The following SDK2 variants were observed in gnomAD, a reference collection of about 807,000 sequenced individuals.
The protein encoded by SDK2 is protein sidekick-2.
Under a neutral mutation model 253.9 loss-of-function variants are expected in SDK2, and 105 were observed. The observed-to-expected ratio is 0.41, with a 90% CI of 0.35 to 0.49. The LOEUF (loss-of-function observed/expected upper bound fraction) is 0.49, where lower values mean the gene tolerates loss of function less well. Ranked by LOEUF, SDK2 falls within the 20% of genes least tolerant of loss-of-function variation. The pLI is 0.06. For synonymous variants in SDK2, 1,249 were observed against 1,234.9 expected (o/e 1.01, Z -0.24); for missense variants, 2,608 against 3,003.0 (o/e 0.87, Z 3.07).
intron 18 of SDK2, among the ~76,000 whole-genome samples, chr17:73,411,997 CACACATATATATGTAGATAT>C (rs2063132621): frequency 7.4e-6 from 1 of 135,610 alleles, no homozygotes; most frequent in African/African-American, 2.9e-5. Flanking sequence ...TATATATATA[CACACATATATATGTAGATAT>C]ACGTATATGT....
At chr17:73,598,489 C>T (rs1477245725) in intron 1 of SDK2, among the ~76,000 whole-genome samples, 1 of 152,190 alleles carries the variant, frequency 6.6e-6, no homozygotes, top group Non-Finnish European at 1.5e-5. Flanking sequence ...CAGTGCCTGT[C>T]TCCCCTGGCT....
chr17:73,382,592 G>A (rs1226305770), intron 33 of SDK2, among the ~76,000 whole-genome samples: 4 of 152,192 alleles, frequency 2.6e-5, no homozygotes, highest in Admixed American at 1.3e-4. Flanking sequence ...GTGTTTTATC[G>A]GTTGCACCAC....
At chr17:73,362,749 G>A (rs2062651786) in intron 38 of SDK2, among the ~76,000 whole-genome samples, 1 of 152,212 alleles carries the variant, frequency 6.6e-6, no homozygotes, top group Non-Finnish European at 1.5e-5. Flanking sequence ...ACAGCAACTA[G>A]AGGGGACGCT....
intron 1 of SDK2, among the ~76,000 whole-genome samples, chr17:73,635,529 G>C (rs371389735): frequency 2.6e-5 from 4 of 152,308 alleles, no homozygotes; most frequent in Admixed American, 2.0e-4. Context: ...GAAATTTCCA[G>C]AGTCCTGGCT....
At chr17:73,366,322 T>C (rs1599488545) in intron 37 of SDK2, among the ~76,000 whole-genome samples, 2 of 152,184 alleles carry the variant, frequency 1.3e-5, no homozygotes, top group South Asian at 4.1e-4. Flanking sequence ...CAGATGGCAC[T>C]GACAAAAGAG....
chr17:73,422,290 T>C lies in SDK2; in HGVS notation c.2042A>G (p.Glu681Gly). 1.2e-6 allele frequency: 2 copies of C among 1,613,778 alleles called. No homozygotes were observed. Among genetic ancestry groups the C allele is most frequent in the Non-Finnish European group, 1.7e-6 (2 of 1,179,832 alleles). Residue 681 changes from glutamate (E) to glycine (G), a missense_variant, in exon 15 of 45, where the codon GAG (glutamate) becomes GGG (glycine). Coordinates refer to ENST00000392650, the MANE Select transcript of SDK2 (RefSeq NM_001144952.2). The stretch of plus-strand genomic sequence containing the variant: ...TGTAGAGCGCCAGTGCCCTCACCTC[T>C]CGGTGTCTTTGCTGAACTGTCCTTT... ...VGKGQFSKDTERVSLPEEPPT... is the reference protein window; with the variant it reads ...VGKGQFSKDTGRVSLPEEPPT...
At chr17:73,483,635 A>G (rs540146819) in intron 2 of SDK2, among the ~76,000 whole-genome samples, 1,334 of 51,536 alleles carry the variant, frequency 0.026, 20 homozygotes, top group Non-Finnish European at 0.037. Flanking sequence ...GTATATGTAT[A>G]TATATATGTG....
chr17:73,427,096 G>GA (rs1267624388), intron 12 of SDK2, among the ~76,000 whole-genome samples: 3 of 151,446 alleles, frequency 2.0e-5, no homozygotes, highest in Non-Finnish European at 2.9e-5. Context: ...TAAAAAAAAA[G>GA]AAAAAAAAGA....
intron 18 of SDK2, among the ~76,000 whole-genome samples, chr17:73,409,823 C>G (rs1599537277): frequency 8.6e-6 from 1 of 116,068 alleles, no homozygotes; most frequent in East Asian, 2.6e-4. Context: ...TACATTCTCT[C>G]TCTCTCTCTG....
At chr17:73,540,019 G>T (rs1198441625) in intron 1 of SDK2, among the ~76,000 whole-genome samples, 1 of 148,482 alleles carries the variant, frequency 6.7e-6, no homozygotes, top group Non-Finnish European at 1.5e-5. Context: ...CAGAGACGGG[G>T]TCATGCAGCT....
At position 73,443,504 on chromosome 17, in the gene SDK2, G is replaced by A. The variant is rs544692871; in HGVS notation, c.614-2581C>T. On this transcript the variant is annotated intron_variant, in intron 5 of 44. Coordinates refer to ENST00000392650, the MANE Select transcript of SDK2 (RefSeq NM_001144952.2). The surrounding 1 kb of genome is among the most constrained non-coding windows in gnomAD (Gnocchi z 4.6). ...CAGTTAGAGCCCAAGCCAGAGCGCCGCATGGCACAGCCAGGTAAACAGGGA... is the reference window on the plus strand; with the variant it reads ...CAGTTAGAGCCCAAGCCAGAGCGCCACATGGCACAGCCAGGTAAACAGGGA... Among the ~76,000 whole-genome samples, 4 of 152,334 alleles carry A rather than the reference G, an allele frequency of 2.6e-5. No homozygotes were observed. The highest frequency in any genetic ancestry group is 4.1e-4 in the South Asian group (2 of 4,824).
At chr17:73,581,620 C>G (rs1209486069) in intron 1 of SDK2, among the ~76,000 whole-genome samples, 2 of 152,260 alleles carry the variant, frequency 1.3e-5, no homozygotes, top group Non-Finnish European at 1.5e-5. Flanking sequence ...GCTGGACCAG[C>G]TGCTGCCCAC....
At chr17:73,344,037 C>T (rs73343820) in intron 44 of SDK2, among the ~76,000 whole-genome samples, 1 of 152,040 alleles carries the variant, frequency 6.6e-6, no homozygotes, top group African/African-American at 2.4e-5. Context: ...TGCCTCTACC[C>T]GGGGGGCCAG....
chr17:73,571,932 C>A (rs188373744), intron 1 of SDK2, among the ~76,000 whole-genome samples: 1 of 152,168 alleles, frequency 6.6e-6, no homozygotes, highest in African/African-American at 2.4e-5. Context: ...TCACGGCCCA[C>A]GGGGAAGGAG....
At chr17:73,457,410 G>A (rs1301647955) in intron 3 of SDK2, among the ~76,000 whole-genome samples, 9 of 149,508 alleles carry the variant, frequency 6.0e-5, no homozygotes. Flanking sequence ...AAGTGCAGTG[G>A]TACAATCTTG....
At chr17:73,369,679 G>T (rs551806342) in intron 36 of SDK2, among the ~76,000 whole-genome samples, 1 of 152,300 alleles carries the variant, frequency 6.6e-6, no homozygotes, top group Admixed American at 6.5e-5. Flanking sequence ...TGTTTTTTGA[G>T]ATGGAGTCTC....
intron 32 of SDK2, among the ~76,000 whole-genome samples, chr17:73,384,212 A>C (rs1369962054): frequency 6.6e-6 from 1 of 152,184 alleles, no homozygotes; most frequent in African/African-American, 2.4e-5. Flanking sequence ...CCCTAGAAGG[A>C]GGGAAGGGCA....
chr17:73,416,250 G>A lies in SDK2; in HGVS notation c.2187-258C>T, dbSNP rs566114456. Among the ~76,000 whole-genome samples, 59 of 146,708 alleles carry A rather than the reference G, an allele frequency of 4.0e-4. 2 individuals are homozygous for A. The South Asian group carries it at 0.011, about 26-fold the overall frequency. The stretch of plus-strand genomic sequence containing the variant: ...CTTGTTCTGTCACCCAGGCTGGAGC[G>A]CAGTGGCGCAATCTCGGCTCACTGC... On this transcript the variant is annotated intron_variant, in intron 16 of 44. Transcript: ENST00000392650.
In SDK2 at chr17:73,546,862, C is replaced by T. The variant is rs570126793; in HGVS notation, c.65-39265G>A. ...AGTTATCAGGGTCTTGAGAACAGGA[C>T]GGCTCAGAGAGGTGCAGGGATGGTA... On this transcript the variant is annotated intron_variant, in intron 1 of 44. Transcript: ENST00000392650. 7.9e-5 allele frequency among the ~76,000 whole-genome samples: 12 copies of T among 152,340 alleles called. No individual in the cohort carries two copies. In the East Asian group the frequency reaches 1.2e-3, roughly 15 times the overall value.
Sources: allele counts gnomAD v4.1 joint callset (sites outside exome capture counted in the v4.1 genomes callset), GRCh38; gene constraint gnomAD v4.1.1; non-coding constraint Gnocchi (gnomAD v3.1); transcripts MANE v1.5; gene names NCBI Gene and HGNC (gene_info 2026-07-23, HGNC 2026-07-21).